The following PLD1 variants were observed in gnomAD, a reference collection of about 807,000 sequenced individuals.
PLD1 encodes the protein phospholipase D1.
A neutral mutation model predicts 137.1 loss-of-function variants in PLD1; 112 were observed. That is an observed-to-expected ratio of 0.82 (90% CI 0.70 to 0.96). The LOEUF (loss-of-function observed/expected upper bound fraction) is 0.96, where lower values mean the gene tolerates loss of function less well. Among genes scored for constraint, PLD1 ranks in the 40% least tolerant of loss-of-function variants. The probability of loss-of-function intolerance (pLI) is 0.00; values close to 1 mark genes in which losing one functional copy is unlikely to be tolerated. For synonymous variants in PLD1, 431 were observed against 454.7 expected, an observed-to-expected ratio of 0.95 and a Z score of 0.66; for missense variants, 1,321 against 1,342.0, an observed-to-expected ratio of 0.98 and a Z score of 0.24.
intron 8 of PLD1, 83 bp from the exon 9 acceptor site, chr3:171,714,128 T>A: frequency 1.2e-6 from 1 of 829,446 alleles, no homozygotes; most frequent in African/African-American, 1.7e-5. Context: ...AAGTCTTAAG[T>A]AATCACTCTG....
At chr3:171,779,477 A>G (rs539773784) in intron 1 of PLD1, among the ~76,000 whole-genome samples, 1 of 152,346 alleles carries the variant, frequency 6.6e-6, no homozygotes, top group Admixed American at 6.5e-5. Flanking sequence ...GAGAAGCAGT[A>G]AGTTTTTGGG....
chr3:171,620,552 A>G (rs749064686), intron 23 of PLD1, 32 bp from the exon 24 acceptor site: 5 of 1,364,038 alleles, frequency 3.7e-6, no homozygotes, highest in Non-Finnish European at 5.2e-6. Context: ...ATTAAAATTA[A>G]TATGACCAAG....
In PLD1 at chr3:171,642,947, C is replaced by A. The variant is rs1578172943; in HGVS notation, c.2544-58G>T. 5 of 935,240 alleles carry A rather than the reference C, an allele frequency of 5.3e-6. No homozygotes were observed. In the East Asian group the frequency reaches 1.2e-4, roughly 23 times the overall value. The allele number at this position is 935,240 out of a possible 1,614,324, so 57.9% of individuals were successfully genotyped here. On this transcript the variant is annotated intron_variant, in intron 22 of 26. Transcript: ENST00000351298. ...AGGTTTCAAAACAACCAATCCCATG[C>A]AGTATCTGTAGGTTTAATCCTAACA...
intron 23 of PLD1, among the ~76,000 whole-genome samples, chr3:171,640,716 A>G (rs978041629): frequency 6.6e-6 from 1 of 152,100 alleles, no homozygotes; most frequent in Non-Finnish European, 1.5e-5. Context: ...GGCCTTCTCA[A>G]TCCTTTCCTG....
Position 171,645,136 on chromosome 3 carries a change from A to G in PLD1, c.2430-113T>C, listed in dbSNP as rs1736099117. The G allele has an allele frequency of 7.0e-6, 5 of 715,992 alleles. No individual in the cohort carries two copies. In the East Asian group the frequency reaches 1.3e-4, roughly 18 times the overall value. 44.4% of individuals were successfully genotyped at this position (715,992 alleles called of 1,614,324 possible). A position where few individuals can be genotyped will look rare whatever the true frequency, so the allele number is the denominator to read the frequency against. ...TGAGATTGAGTGAATGGCTTCCTAC[A>G]ACACGTTCTGTCACATTTCAGGACT... On this transcript the variant is annotated intron_variant, in intron 21 of 26. Transcript: ENST00000351298.
chr3:171,614,176 G>T (rs1732902975), intron 24 of PLD1, among the ~76,000 whole-genome samples: 1 of 152,104 alleles, frequency 6.6e-6, no homozygotes, highest in Admixed American at 6.5e-5. Context: ...GGTGGCCCTG[G>T]GTAACAGAGA....
intron 25 of PLD1, among the ~76,000 whole-genome samples, chr3:171,607,197 T>C (rs1030396563): frequency 6.6e-6 from 1 of 152,128 alleles, no homozygotes; most frequent in African/African-American, 2.4e-5. Context: ...AATAACTTTT[T>C]TTAAAAAAAG....
intron 1 of PLD1, among the ~76,000 whole-genome samples, chr3:171,785,712 TAGGCGTGAGCCACCACGCCCAGCCTCC>T (rs771161384): frequency 2.0e-4 from 30 of 152,316 alleles, no homozygotes; most frequent in South Asian, 1.7e-3. Context: ...GCTGGGATTA[TAGGCGTGAGCCACCACGCCCAGCCTCC>T]AGTGTCTATT....
chr3:171,636,250 G>A (rs1338385751), intron 23 of PLD1, among the ~76,000 whole-genome samples: 1 of 151,742 alleles, frequency 6.6e-6, no homozygotes, highest in Non-Finnish European at 1.5e-5. Flanking sequence ...GATTGTTTTG[G>A]CAATGCTAAA....
chr3:171,603,021 C>A lies in PLD1; in HGVS notation c.*57G>T. ...TTTGGCTATGACATCCCCAGGAAGT[C>A]ACTGTGTGCAGTGTGGTCTCCAGGG... is the stretch of plus-strand genomic sequence containing the variant. On this transcript the variant is annotated 3_prime_UTR_variant, in exon 27 of 27. Transcript: ENST00000351298. The A allele has an allele frequency of 7.9e-7, 1 of 1,270,770 alleles. No individual in the cohort carries two copies. The allele number at this position is 1,270,770 out of a possible 1,614,324, so 78.7% of individuals were successfully genotyped here.
Position 171,724,755 on chromosome 3 carries a change from G to A in PLD1, c.699C>T (p.His233=). 2 of 1,609,978 alleles carry A rather than the reference G, an allele frequency of 1.2e-6. No homozygotes were observed. Among genetic ancestry groups the A allele is most frequent in the Non-Finnish European group, 1.7e-6 (2 of 1,177,266 alleles). The change falls in exon 8 of 27, where the codon CAC becomes CAT. Residue 233 remains histidine (H), a synonymous_variant. Coordinates refer to ENST00000351298, the MANE Select transcript of PLD1 (RefSeq NM_002662.5). ...EGMIMKRSGG[H]RIPGLNCCGQ... ...CACAGCAATTCAAGCCTGGTATTCT[G>A]TGTCCTCCAGATCTTTTCATTATCA...
chr3:171,683,326 A>G lies in PLD1; in HGVS notation c.1867+3359T>C, dbSNP rs575638134. Among the ~76,000 whole-genome samples, 5 of 152,276 alleles carry G rather than the reference A, an allele frequency of 3.3e-5. No homozygotes were observed. The South Asian group carries it at 6.2e-4, about 19-fold the overall frequency. ...TCAGCCCTCGCCTACCCTTCGCTCA[A>G]GACCATCCGATGACTTCCTATCTCA... On this transcript the variant is annotated intron_variant, in intron 16 of 26. Transcript: ENST00000351298.
intron 1 of PLD1, among the ~76,000 whole-genome samples, chr3:171,781,104 AGT>A (rs1722780144): frequency 6.6e-6 from 1 of 152,210 alleles, no homozygotes; most frequent in Non-Finnish European, 1.5e-5. Flanking sequence ...GTGTGGTACT[AGT>A]ACAGGATCAA....
At chr3:171,713,506 T>C (rs1376396250) in intron 9 of PLD1, among the ~76,000 whole-genome samples, 1 of 152,254 alleles carries the variant, frequency 6.6e-6, no homozygotes, top group Non-Finnish European at 1.5e-5. Context: ...TCTTAAAATA[T>C]GTGTGTAACA....
chr3:171,628,015 C>A (rs1471890984), intron 23 of PLD1, among the ~76,000 whole-genome samples: 11 of 151,290 alleles, frequency 7.3e-5, no homozygotes. Flanking sequence ...AAAATCAGAG[C>A]AGAACTGAAG....
At chr3:171,653,358 C>A (rs949097918) in intron 21 of PLD1, 2 of 152,170 alleles carry the variant, frequency 1.3e-5, no homozygotes, top group Admixed American at 6.5e-5. Flanking sequence ...CTAAACTAAA[C>A]ACATATTATG....
intron 24 of PLD1, among the ~76,000 whole-genome samples, chr3:171,618,937 CT>C (rs1449979994): frequency 6.6e-6 from 1 of 151,838 alleles, no homozygotes; most frequent in East Asian, 1.9e-4. Context: ...TGTTTCTTTT[CT>C]ATTCAAATCA....
chr3:171,611,030 C>G lies in PLD1; in HGVS notation c.2882+1249G>C, dbSNP rs564545710. Among the ~76,000 whole-genome samples, 5 of 152,282 alleles carry G rather than the reference C, an allele frequency of 3.3e-5. 1 individual carries two copies. The highest frequency in any genetic ancestry group is 3.3e-4 in the Admixed American group (5 of 15,288). ...GGGAGTTAAGTGCTCACTAAGCGCC[C>G]ATCTGCAAGTGAGCCAGTTTCCAAA... is the stretch of plus-strand genomic sequence containing the variant. On this transcript the variant is annotated intron_variant, in intron 25 of 26. Coordinates refer to ENST00000351298, the MANE Select transcript of PLD1 (RefSeq NM_002662.5).
intron 21 of PLD1, among the ~76,000 whole-genome samples, chr3:171,645,883 CAAAAAAAA>C (rs1162718346): frequency 1.2e-4 from 7 of 59,204 alleles, no homozygotes; most frequent in Non-Finnish European, 1.7e-4. Context: ...GACTCCATCT[CAAAAAAAA>C]AAAAAAAAAA....
Sources: gnomAD v4.1 joint callset for allele counts (sites outside exome capture counted in the v4.1 genomes callset) on GRCh38, gnomAD v4.1.1 for gene constraint, MANE v1.5 for transcripts, NCBI Gene and HGNC (gene_info 2026-07-23, HGNC 2026-07-21) for gene names.